The following PALB2 variants were observed in gnomAD, a reference collection of about 807,000 sequenced individuals.
PALB2 encodes the protein mutant partner and localizer of BRCA2.
Under a neutral mutation model 107.4 loss-of-function variants are expected in PALB2, and 82 were observed. The observed-to-expected ratio is 0.76, with a 90% confidence interval of 0.64 to 0.92. The LOEUF (loss-of-function observed/expected upper bound fraction) is 0.92, where lower values mean the gene tolerates loss of function less well. PALB2 is among the 40% of genes least tolerant of loss of function. The probability of loss-of-function intolerance (pLI) is 0.00; values close to 1 mark genes in which losing one functional copy is unlikely to be tolerated. For synonymous variants in PALB2, 489 were observed against 496.8 expected (o/e 0.98, Z 0.21); for missense variants, 1,374 against 1,379.9 (o/e 1.00, Z 0.07).
In PALB2 at chr16:23,608,894, C is replaced by A. The variant is rs540411091; in HGVS notation, c.3202-882G>T. Among the ~76,000 whole-genome samples, 3 of 151,344 alleles carry A rather than the reference C, an allele frequency of 2.0e-5. No individual in the cohort carries two copies. In the East Asian group the frequency reaches 5.8e-4, roughly 29 times the overall value. On this transcript the variant is annotated intron_variant, in intron 11 of 12. Transcript: ENST00000261584. ...CCAGGCTGGAGTGCAATGGTGCGAT[C>A]TCAGCTCACTGCAACCTCCGCCTCC...
chr16:23,631,990 C>A (rs761141536), intron 4 of PALB2, among the ~76,000 whole-genome samples: 3 of 152,132 alleles, frequency 2.0e-5, no homozygotes, highest in Non-Finnish European at 4.4e-5. Flanking sequence ...ATTTACCGCT[C>A]TTATTGCAAA....
chr16:23,612,470 C>T (rs1966604256), intron 11 of PALB2, among the ~76,000 whole-genome samples: 1 of 151,350 alleles, frequency 6.6e-6, no homozygotes, highest in South Asian at 2.1e-4. Context: ...ACACCCACAT[C>T]GGCCTCCCAA....
chr16:23,629,618 TCA>T lies in PALB2; in HGVS notation c.2514+20_2514+21del, dbSNP rs750567675. ...GCATTTCATTCCTTCAGAGAAAATT[TCA>T]CAGAGGAAATGGATTGTACCTGTTC... On this transcript the variant is annotated intron_variant, in intron 5 of 12. Coordinates refer to ENST00000261584, the MANE Select transcript of PALB2 (RefSeq NM_024675.4). 47 of 1,609,538 alleles carry T rather than the reference TCA, an allele frequency of 2.9e-5. No homozygotes were observed. Among genetic ancestry groups the T allele is most frequent in the Middle Eastern group, 3.3e-4 (2 of 6,078 alleles).
At position 23,635,382 on chromosome 16, in the gene PALB2, A is replaced by C; in HGVS notation, c.1164T>G (p.Pro388=). Reference sequence around the variant, plus strand: ...TGCAAGAATGTTTTTCTGCAGAAAGAGGAGAGGTTGCTTCCAGGCTAAGAC... The same window carrying C: ...TGCAAGAATGTTTTTCTGCAGAAAGCGGAGAGGTTGCTTCCAGGCTAAGAC... The part of the protein sequence containing the change: ...PKSLSLEATS[P]LSAEKHSCTV... Residue 388 remains proline, a synonymous_variant, in exon 4 of 13, where the codon CCT becomes CCG. Transcript: ENST00000261584. 1 of 1,614,064 alleles carries C rather than the reference A, an allele frequency of 6.2e-7. No homozygotes were observed. Among genetic ancestry groups the C allele is most frequent in the South Asian group, 1.1e-5 (1 of 91,088 alleles).
At chr16:23,623,251 T>G in intron 8 of PALB2, 121 bp from the exon 9 acceptor site, 1 of 860,084 alleles carries the variant, frequency 1.2e-6, no homozygotes. Context: ...TCGCCTAGGC[T>G]GGAGTGCAGT....
chr16:23,616,376 A>G (rs1966684936), intron 10 of PALB2, among the ~76,000 whole-genome samples: 1 of 152,230 alleles, frequency 6.6e-6, no homozygotes, highest in African/African-American at 2.4e-5. Context: ...AAAAAACTGA[A>G]GAAGGAAAAT....
chr16:23,637,815 A>T (rs781345337), intron 3 of PALB2, 35 bp downstream of exon 3: 5 of 1,504,860 alleles, frequency 3.3e-6, no homozygotes, highest in Non-Finnish European at 4.6e-6. Flanking sequence ...GGAAATGAAT[A>T]ATAAAGCAGG....
At chr16:23,604,153 T>C (rs1841801466) in intron 12 of PALB2, among the ~76,000 whole-genome samples, 1 of 152,240 alleles carries the variant, frequency 6.6e-6, no homozygotes, top group South Asian at 2.1e-4. Flanking sequence ...TTTATCTTCA[T>C]TGCACTTTTC....
In PALB2 at chr16:23,635,399, G is replaced by T. The variant is rs2142424566; in HGVS notation, c.1147C>A (p.Leu383Met). The change falls in exon 4 of 13, where the codon CTG becomes ATG. Residue 383 changes from leucine to methionine, a missense_variant. Coordinates refer to ENST00000261584, the MANE Select transcript of PALB2 (RefSeq NM_024675.4). ...GCAGAAAGAGGAGAGGTTGCTTCCAGGCTAAGACTCTTAGGTTGACTTAGA... is the reference window on the plus strand; with the variant it reads ...GCAGAAAGAGGAGAGGTTGCTTCCATGCTAAGACTCTTAGGTTGACTTAGA... ...EILSQPKSLS[L>M]EATSPLSAEK... is the part of the protein sequence containing the mutation. 1 of 1,614,036 alleles carries T rather than the reference G, an allele frequency of 6.2e-7. No individual in the cohort carries two copies. Among genetic ancestry groups the T allele is most frequent in the South Asian group, 1.1e-5 (1 of 91,082 alleles).
At position 23,641,227 on chromosome 16, in the gene PALB2, G is replaced by A; in HGVS notation, c.-70C>T. The stretch of plus-strand genomic sequence containing the variant: ...GCCTGCCGACACCGGGACCCAGTTG[G>A]CCCTGGGCCGGGGAGGCGCCCCAGG... On this transcript the variant is annotated 5_prime_UTR_variant, in exon 1 of 13. Coordinates refer to ENST00000261584, the MANE Select transcript of PALB2 (RefSeq NM_024675.4). 6.3e-7 allele frequency: 1 copy of A among 1,576,350 alleles called. No individual in the cohort carries two copies. The highest frequency in any genetic ancestry group is 8.6e-7 in the Non-Finnish European group (1 of 1,159,108).
intron 4 of PALB2, among the ~76,000 whole-genome samples, chr16:23,633,577 T>C (rs1317420471): frequency 6.6e-6 from 1 of 152,242 alleles, no homozygotes; most frequent in Non-Finnish European, 1.5e-5. Flanking sequence ...GTATCGTTGC[T>C]GCCCATCCTC....
At chr16:23,612,131 T>C (rs1242363802) in intron 11 of PALB2, among the ~76,000 whole-genome samples, 1 of 152,244 alleles carries the variant, frequency 6.6e-6, no homozygotes, top group Non-Finnish European at 1.5e-5. Flanking sequence ...TCTCTGCTCA[T>C]GGCTTCAACA....
In PALB2 at chr16:23,635,541, A is replaced by T. The variant is rs1214681048; in HGVS notation, c.1005T>A (p.Asn335Lys). 1 of 1,613,240 alleles carries T rather than the reference A, an allele frequency of 6.2e-7. No individual in the cohort carries two copies. The highest frequency in any genetic ancestry group is 1.3e-5 in the African/African-American group (1 of 74,796). ...ISCSLNELTY[N>K]NLPANENQNL... ...TTTGGTTTTCATTTGCTGGTAAGTT[A>T]TTGTAGGTGAGTTCATTTAGAGAAC... The change falls in exon 4 of 13, where the codon AAT (asparagine) becomes AAA (lysine). Residue 335 changes from asparagine (N) to lysine (K), a missense_variant. Asn to Lys is a moderately conservative substitution (Grantham distance 94). Transcript: ENST00000261584.
chr16:23,634,465 C>T (rs1966932679), intron 4 of PALB2, among the ~76,000 whole-genome samples: 1 of 151,988 alleles, frequency 6.6e-6, no homozygotes, highest in Non-Finnish European at 1.5e-5. Flanking sequence ...GCCTGGGCAA[C>T]AGGGCAGGAC....
chr16:23,634,230 A>G (rs946935313), intron 4 of PALB2, among the ~76,000 whole-genome samples: 4 of 152,190 alleles, frequency 2.6e-5, no homozygotes, highest in African/African-American at 9.6e-5. Flanking sequence ...AATTAAATTA[A>G]GTAAAGTTAT....
At chr16:23,611,334 A>G (rs1279414763) in intron 11 of PALB2, among the ~76,000 whole-genome samples, 1 of 151,796 alleles carries the variant, frequency 6.6e-6, no homozygotes, top group East Asian at 1.9e-4. Context: ...TAGTAGAGAC[A>G]GGGTTTCATC....
At position 23,635,681 on chromosome 16, in the gene PALB2, A is replaced by T. The variant is rs1967014008; in HGVS notation, c.865T>A (p.Leu289Met). 6.2e-7 allele frequency: 1 copy of T among 1,614,144 alleles called. No individual in the cohort carries two copies. The highest frequency in any genetic ancestry group is 8.5e-7 in the Non-Finnish European group (1 of 1,179,994). Residue 289 changes from leucine to methionine, a missense_variant, in exon 4 of 13, where the codon TTG (leucine) becomes ATG (methionine). Physicochemically the swap from Leu to Met is conservative, Grantham distance 15. Transcript: ENST00000261584. The stretch of plus-strand genomic sequence containing the variant: ...GTCATTTTTTTGCCTTGTGCCTCCA[A>T]ACTTACAGGTGAAGTAAATCTAATG... ...KNIRFTSPVS[L>M]EAQGKKMTVS... is the part of the protein sequence containing the mutation.
At chr16:23,626,114 GA>G (rs1259120465) in intron 7 of PALB2, 121 bp downstream of exon 7, 4 of 1,162,216 alleles carry the variant, frequency 3.4e-6, no homozygotes, top group South Asian at 1.3e-5. Context: ...AAAATGTTGG[GA>G]AAAAAACCTC....
In PALB2 at chr16:23,629,950, G is replaced by A. The variant is rs199743500; in HGVS notation, c.2204C>T (p.Pro735Leu). Residue 735 changes from proline (P) to leucine (L), a missense_variant, in exon 5 of 13, where the codon CCA becomes CTA. Physicochemically the swap from Pro to Leu is moderately conservative, Grantham distance 98. Transcript: ENST00000261584. ...ATAGGAGCCTTGAGGGCCAAAGGCTGGAGTAGTACCTAAGATGGGGAAAGC... is the reference window on the plus strand; with the variant it reads ...ATAGGAGCCTTGAGGGCCAAAGGCTAGAGTAGTACCTAAGATGGGGAAAGC... Reference protein sequence around the residue: ...SPAFPILGTTPAFGPQGSYEK... With the variant: ...SPAFPILGTTLAFGPQGSYEK... 1.5e-5 allele frequency: 24 copies of A among 1,614,208 alleles called. No homozygotes were observed. The highest frequency in any genetic ancestry group is 1.0e-5 in the Non-Finnish European group (12 of 1,180,040).
Sources: allele counts gnomAD v4.1 joint callset (sites outside exome capture counted in the v4.1 genomes callset), GRCh38; gene constraint gnomAD v4.1.1; transcripts MANE v1.5; gene names NCBI Gene and HGNC (gene_info 2026-07-23, HGNC 2026-07-21).